Variants in IFNAR1 observed in about 807,000 individuals in gnomAD.
The protein encoded by IFNAR1 is interferon alpha/beta receptor 1.
Under a neutral mutation model 62.1 loss-of-function variants are expected in IFNAR1, and 47 were observed. The ratio of observed to expected loss-of-function variants is 0.76; its 90% CI spans 0.60 to 0.97. The LOEUF (loss-of-function observed/expected upper bound fraction) is 0.97, where lower values mean the gene tolerates loss of function less well. Ranked by LOEUF, IFNAR1 falls within the 50% of genes least tolerant of loss-of-function variation. The pLI, the probability that IFNAR1 is intolerant of heterozygous loss-of-function variation, is 0.00. For synonymous variants in IFNAR1, 219 were observed against 226.9 expected (o/e 0.97, Z 0.31); for missense variants, 638 against 654.5 (o/e 0.97, Z 0.27).
intron 2 of IFNAR1, among the ~76,000 whole-genome samples, chr21:33,338,542 A>AAAC (rs1244483697): frequency 3.3e-5 from 5 of 149,984 alleles, no homozygotes; most frequent in African/African-American, 1.3e-4. Context: ...AAAAAAAAAA[A>AAAC]AAAACCCAAC....
chr21:33,324,999 T>G lies in IFNAR1; in HGVS notation c.-57T>G. ...TGACTTAGGACGGGGCGATGGCGGC[T>G]GAGAGGAGCTGCGCGTGCGCGAACA... On this transcript the variant is annotated 5_prime_UTR_variant, in exon 1 of 11. Transcript: ENST00000270139. The G allele has an allele frequency of 6.7e-7, 1 of 1,487,808 alleles. No homozygotes were observed. Among genetic ancestry groups the G allele is most frequent in the Non-Finnish European group, 9.2e-7 (1 of 1,089,412 alleles). The allele number at this position is 1,487,808 out of a possible 1,614,324, so 92.2% of individuals were successfully genotyped here.
chr21:33,355,301 C>A lies in IFNAR1; in HGVS notation c.1441-15C>A. The stretch of plus-strand genomic sequence containing the variant: ...TAAATAATTGATTTCTACTCTTTCC[C>A]TTTTTTTAAATTAGTATTTCTCTGA... On this transcript the variant is annotated splice_polypyrimidine_tract_variant and intron_variant, in intron 10 of 10. Coordinates refer to ENST00000270139, the MANE Select transcript of IFNAR1 (RefSeq NM_000629.3). 2 of 1,271,072 alleles carry A rather than the reference C, an allele frequency of 1.6e-6. No individual in the cohort carries two copies. The highest frequency in any genetic ancestry group is 2.3e-4 in the Middle Eastern group (1 of 4,392). The allele number at this position is 1,271,072 out of a possible 1,614,324, so 78.7% of individuals were successfully genotyped here. A position where few individuals can be genotyped will look rare whatever the true frequency, so the allele number is the denominator to read the frequency against.
At chr21:33,330,866 TGGG>T (rs2083171451) in intron 1 of IFNAR1, among the ~76,000 whole-genome samples, 1 of 152,108 alleles carries the variant, frequency 6.6e-6, no homozygotes, top group Non-Finnish European at 1.5e-5. Flanking sequence ...ATCTCACCAC[TGGG>T]GTTCCTTAGA....
chr21:33,331,599 C>G (rs1311410819), intron 1 of IFNAR1, among the ~76,000 whole-genome samples: 3 of 152,162 alleles, frequency 2.0e-5, no homozygotes, highest in African/African-American at 7.2e-5. Context: ...TCCCTACCCC[C>G]CATTCCCAGC....
intron 1 of IFNAR1, among the ~76,000 whole-genome samples, chr21:33,332,814 C>T (rs2083194321): frequency 6.6e-6 from 1 of 152,236 alleles, no homozygotes; most frequent in South Asian, 2.1e-4. Flanking sequence ...TTTGATATTA[C>T]TTAATTGTAG....
chr21:33,354,308 C>G lies in IFNAR1; in HGVS notation c.1440+525C>G, dbSNP rs150956469. Among the ~76,000 whole-genome samples the G allele has an allele frequency of 5.6e-3, 846 of 152,326 alleles. 11 individuals are homozygous for G. Among genetic ancestry groups the G allele is most frequent in the African/African-American group, 0.019 (799 of 41,572 alleles). On this transcript the variant is annotated intron_variant, in intron 10 of 10. Coordinates refer to ENST00000270139, the MANE Select transcript of IFNAR1 (RefSeq NM_000629.3). ...AGTGAGCCGAGGTCATGCCACTGCA[C>G]TCCAGCCTGGGTGACAGAGCAAGAC...
At chr21:33,326,229 T>C (rs2083125304) in intron 1 of IFNAR1, among the ~76,000 whole-genome samples, 1 of 126,260 alleles carries the variant, frequency 7.9e-6, no homozygotes, top group African/African-American at 2.9e-5. Flanking sequence ...TTTTTTTTTT[T>C]TGAGACAGCC....
At chr21:33,339,377 A>T (rs2083273595) in intron 2 of IFNAR1, among the ~76,000 whole-genome samples, 1 of 152,200 alleles carries the variant, frequency 6.6e-6, no homozygotes, top group African/African-American at 2.4e-5. Context: ...ATGCTAGTGT[A>T]TATTTTTGGT....
Position 33,343,326 on chromosome 21 carries a change from C to T in IFNAR1, c.435C>T (p.His145=), listed in dbSNP as rs2083312220. 2 of 1,612,422 alleles carry T rather than the reference C, an allele frequency of 1.2e-6. No individual in the cohort carries two copies. Among genetic ancestry groups the T allele is most frequent in the Non-Finnish European group, 8.5e-7 (1 of 1,178,434 alleles). Residue 145 remains histidine, a synonymous_variant, in exon 4 of 11, where the codon CAC becomes CAT. Transcript: ENST00000270139. ...CTGAAGATAAGGCAATAGTGATACA[C>T]ATCTCTCCTGGAACAAAAGATAGTG... is the stretch of plus-strand genomic sequence containing the variant. The part of the protein sequence containing the change: ...LEAEDKAIVI[H]ISPGTKDSVM...
rs1489873778 is a variant in IFNAR1, at chr21:33,352,790, A to C, written c.1176A>C (p.Thr392=). ...RKIIEKKTDV[T]VPNLKPLTVY... is the part of the protein sequence containing the mutation. ...TTATCGAGAAAAAAACTGATGTTAC[A>C]GTTCCTAATTTGAAACCACTGACTG... Residue 392 remains threonine (T), a synonymous_variant, in exon 9 of 11, where the codon ACA becomes ACC. Transcript: ENST00000270139. 1.3e-6 allele frequency: 2 copies of C among 1,545,588 alleles called. No individual in the cohort carries two copies. The highest frequency in any genetic ancestry group is 2.7e-5 in the African/African-American group (2 of 73,382).
At chr21:33,347,909 G>A (rs1363511007) in intron 6 of IFNAR1, among the ~76,000 whole-genome samples, 1 of 152,204 alleles carries the variant, frequency 6.6e-6, no homozygotes, top group Non-Finnish European at 1.5e-5. Flanking sequence ...AATGGGACAA[G>A]ATTAGGGTCA....
rs572101627 is a variant in IFNAR1 at position 33,355,827 on chromosome 21, C to G, written c.*278C>G. The G allele has an allele frequency of 1.2e-4, 22 of 177,084 alleles. No homozygotes were observed. Among genetic ancestry groups the G allele is most frequent in the Non-Finnish European group, 2.4e-4 (20 of 83,912 alleles). 11.0% of individuals were successfully genotyped at this position (177,084 alleles called of 1,614,324 possible). A position where few individuals can be genotyped will look rare whatever the true frequency, so the allele number is the denominator to read the frequency against. On this transcript the variant is annotated 3_prime_UTR_variant, in exon 11 of 11. Coordinates refer to ENST00000270139, the MANE Select transcript of IFNAR1 (RefSeq NM_000629.3). ...GGTCAAGAGATCGAGACCAGCCTGG[C>G]CAACGTGGTGAAACCCCATCTCTAC...
At chr21:33,340,899 T>G in intron 2 of IFNAR1, 100 bp from the exon 3 acceptor site, 1 of 734,496 alleles carries the variant, frequency 1.4e-6, no homozygotes, top group East Asian at 2.6e-5. Flanking sequence ...CAAGAGTTAT[T>G]AAGAGTTAAG....
In IFNAR1 at chr21:33,357,535, T is replaced by G. The variant is rs1329953267; in HGVS notation, c.*1986T>G. 1.3e-5 allele frequency: 2 copies of G among 151,676 alleles called. No individual in the cohort carries two copies. The highest frequency in any genetic ancestry group is 6.6e-5 in the Admixed American group (1 of 15,240). The allele number at this position is 151,676 out of a possible 1,614,324, so 9.4% of individuals were successfully genotyped here. A position where few individuals can be genotyped will look rare whatever the true frequency, so the allele number is the denominator to read the frequency against. On this transcript the variant is annotated 3_prime_UTR_variant, in exon 11 of 11. Coordinates refer to ENST00000270139, the MANE Select transcript of IFNAR1 (RefSeq NM_000629.3). The stretch of plus-strand genomic sequence containing the variant: ...CATCTTTCTGACCAGAGGCTGTTTT[T>G]TTTTTTTTTTGAGACAGTCTCATTC...
At chr21:33,331,759 C>G (rs1726893133) in intron 1 of IFNAR1, among the ~76,000 whole-genome samples, 1 of 152,162 alleles carries the variant, frequency 6.6e-6, no homozygotes, top group Non-Finnish European at 1.5e-5. Context: ...TGTGTTGCCA[C>G]TGAGCCCTAT....
chr21:33,345,689 AG>A (rs2083338898), intron 6 of IFNAR1, among the ~76,000 whole-genome samples: 1 of 152,258 alleles, frequency 6.6e-6, no homozygotes, highest in African/African-American at 2.4e-5. Flanking sequence ...AAGACTCGAC[AG>A]TTGACCCTGA....
rs200354866 is a variant in IFNAR1 at position 33,349,539 on chromosome 21, C to G, written c.1139C>G (p.Ala380Gly). 68 of 1,594,464 alleles carry G rather than the reference C, an allele frequency of 4.3e-5. No homozygotes were observed. The highest frequency in any genetic ancestry group is 5.8e-5 in the Non-Finnish European group (68 of 1,166,358). The change falls in exon 8 of 11, where the codon GCT becomes GGT. Residue 380 changes from alanine (A) to glycine (G), a missense_variant. By Grantham distance (60) the Ala-to-Gly change is moderately conservative. Coordinates refer to ENST00000270139, the MANE Select transcript of IFNAR1 (RefSeq NM_000629.3). ...EIIFWENTSNAERKIIEKKTD... is the reference protein window; with the variant it reads ...EIIFWENTSNGERKIIEKKTD... ...ATTTTTTGGGAAAACACTTCAAATG[C>G]TGAGGTAAAAAGACTGTATAGTATA...
intron 8 of IFNAR1, among the ~76,000 whole-genome samples, chr21:33,350,197 A>G (rs2083386440): frequency 6.7e-6 from 1 of 150,346 alleles, no homozygotes; most frequent in Non-Finnish European, 1.5e-5. Context: ...GGGGCTGTCC[A>G]GTGCAGTGCA....
At chr21:33,353,107 G>A (rs528834607) in intron 9 of IFNAR1, among the ~76,000 whole-genome samples, 199 bp downstream of exon 9, 1 of 152,310 alleles carries the variant, frequency 6.6e-6, no homozygotes, top group Admixed American at 6.5e-5. Flanking sequence ...AGTCGGTGTT[G>A]TTGGATGCTT....
Sources: allele counts gnomAD v4.1 joint callset (sites outside exome capture counted in the v4.1 genomes callset), GRCh38; gene constraint gnomAD v4.1.1; transcripts MANE v1.5; gene names NCBI Gene and HGNC (gene_info 2026-07-23, HGNC 2026-07-21).